KRT71: variants seen among roughly 807,000 people sequenced by gnomAD.
KRT71 encodes the protein keratin, type II cytoskeletal 71.
A neutral mutation model predicts 46.2 loss-of-function variants in KRT71; 42 were observed. That is an observed-to-expected ratio of 0.91 (90% confidence interval 0.71 to 1.18). The LOEUF is 1.18. Among genes scored for constraint, KRT71 ranks in the 50% most tolerant of loss-of-function variants. The pLI is 0.00. For synonymous variants in KRT71, 292 were observed against 277.8 expected, an observed-to-expected ratio of 1.05 and a Z score of -0.51; for missense variants, 708 against 677.9, an observed-to-expected ratio of 1.04 and a Z score of -0.49.
intron 8 of KRT71, 123 bp from the exon 9 acceptor site, chr12:52,544,866 C>G: frequency 1.3e-6 from 1 of 765,324 alleles, no homozygotes. Context: ...CGCTCCCTCT[C>G]CCTGGGGAGA....
Position 52,544,738 on chromosome 12 carries a change from T to C in KRT71, c.1366A>G (p.Ile456Val). 6.2e-7 allele frequency: 1 copy of C among 1,611,024 alleles called. No individual in the cohort carries two copies. Among genetic ancestry groups the C allele is most frequent in the Non-Finnish European group, 8.5e-7 (1 of 1,179,318 alleles). The change falls in exon 9 of 9, where the codon ATC becomes GTC. Residue 456 changes from isoleucine to valine, a missense_variant. Transcript: ENST00000267119. ...EFPSPVSISIISSTSGGSVYG... is the reference protein window; with the variant it reads ...EFPSPVSISIVSSTSGGSVYG... ...ACACTGCCGCCACTGGTGCTGCTGATGATGGCTGCAGGAGGAGCCGAAGCC... is the reference window on the plus strand; with the variant it reads ...ACACTGCCGCCACTGGTGCTGCTGACGATGGCTGCAGGAGGAGCCGAAGCC...
chr12:52,548,706 CAA>C lies in KRT71; in HGVS notation c.806_807del (p.Phe269Ter), dbSNP rs769275470. 6.2e-7 allele frequency: 1 copy of C among 1,613,984 alleles called. No individual in the cohort carries two copies. Among genetic ancestry groups the C allele is most frequent in the Non-Finnish European group, 8.5e-7 (1 of 1,179,944 alleles). On this transcript the variant is annotated frameshift_variant, in exon 4 of 9. Coordinates refer to ENST00000267119, the MANE Select transcript of KRT71 (RefSeq NM_033448.3). LOFTEE classifies it high-confidence loss of function. The part of the protein sequence containing the change: ...DQEIKFFRCL[F>X]EAEITQIQSH... ...AAGTGGGCAGACAGACTTACGGCTT[CAA>C]AGAGACACCTGAAGAACTTGATCTC...
At position 52,550,253 on chromosome 12, in the gene KRT71, A is replaced by G. The variant is rs1428897916; in HGVS notation, c.442-10T>C. On this transcript the variant is annotated splice_polypyrimidine_tract_variant and intron_variant, in intron 1 of 8. Coordinates refer to ENST00000267119, the MANE Select transcript of KRT71 (RefSeq NM_033448.3). ...GCTCCAGGAACCGCACCTGGAACCC[A>G]GATCCCAGAAACTGCTGAACCCTTG... 6.2e-7 allele frequency: 1 copy of G among 1,613,908 alleles called. No homozygotes were observed. The highest frequency in any genetic ancestry group is 1.7e-5 in the Admixed American group (1 of 60,018).
chr12:52,549,336 T>C lies in KRT71; in HGVS notation c.674A>G (p.Asn225Ser). Reference protein sequence around the residue: ...DYKKRYEEEINKRTAAENEFV... With the variant: ...DYKKRYEEEISKRTAAENEFV... ...CTCGTTCTCTGCTGCTGTCCGCTTG[T>C]TGATTTCCTCCTCATACCTGTGGGA... Residue 225 changes from asparagine to serine, a missense_variant, in exon 3 of 9, where the codon AAC becomes AGC. Physicochemically the swap from Asn to Ser is conservative, Grantham distance 46. Coordinates refer to ENST00000267119, the MANE Select transcript of KRT71 (RefSeq NM_033448.3). The C allele has an allele frequency of 6.2e-7, 1 of 1,613,896 alleles. No individual in the cohort carries two copies. The highest frequency in any genetic ancestry group is 1.3e-5 in the African/African-American group (1 of 75,036).
rs10876309 is a variant in KRT71 at position 52,548,517 on chromosome 12, C to T, written c.813+184G>A. 0.38 allele frequency among the ~76,000 whole-genome samples: 58,426 copies of T among 152,098 alleles called. 13,958 individuals carry two copies. The highest frequency in any genetic ancestry group is 0.54 in the Middle Eastern group (158 of 294). Reference sequence around the variant, plus strand: ...ATTCCCACTGCCGTGGAGCAAGGGCCTGGCCGATTCCCTTCCCACTCAGAG... The same window carrying T: ...ATTCCCACTGCCGTGGAGCAAGGGCTTGGCCGATTCCCTTCCCACTCAGAG... On this transcript the variant is annotated intron_variant, in intron 4 of 8. Coordinates refer to ENST00000267119, the MANE Select transcript of KRT71 (RefSeq NM_033448.3).
At chr12:52,549,261 C>T (rs2120574940) in intron 3 of KRT71, 32 bp downstream of exon 3, 1 of 1,561,478 alleles carries the variant, frequency 6.4e-7, no homozygotes, top group Admixed American at 1.7e-5. Context: ...CCCAGGCCAG[C>T]CCCCGGGACT....
intron 4 of KRT71, 48 bp downstream of exon 4, chr12:52,548,653 T>C (rs759970220): frequency 6.5e-7 from 1 of 1,542,894 alleles, no homozygotes; most frequent in East Asian, 2.2e-5. Context: ...GAATAGAGTT[T>C]AACCCACCAG....
intron 2 of KRT71, among the ~76,000 whole-genome samples, chr12:52,549,757 G>A (rs1322504108): frequency 2.6e-5 from 4 of 152,180 alleles, no homozygotes; most frequent in Non-Finnish European, 2.9e-5. Flanking sequence ...GGAGGAGAAC[G>A]TGAGTGGTTT....
intron 6 of KRT71, among the ~76,000 whole-genome samples, 157 bp downstream of exon 6, chr12:52,547,700 A>G (rs1939079303): frequency 6.6e-6 from 1 of 152,144 alleles, no homozygotes; most frequent in Non-Finnish European, 1.5e-5. Flanking sequence ...AGTAGCCCCC[A>G]GGGACGTCCT....
intron 8 of KRT71, among the ~76,000 whole-genome samples, 176 bp downstream of exon 8, chr12:52,545,389 C>G (rs1939041052): frequency 1.3e-5 from 2 of 152,330 alleles, no homozygotes; most frequent in South Asian, 4.1e-4. Context: ...GGAGGCCTGG[C>G]CTGGGAGTCA....
intron 1 of KRT71, among the ~76,000 whole-genome samples, chr12:52,551,184 A>C (rs575909396): frequency 6.6e-6 from 1 of 152,204 alleles, no homozygotes; most frequent in Non-Finnish European, 1.5e-5. Flanking sequence ...TACTGAACAC[A>C]TCTGGATGCC....
rs1327887871 is a variant in KRT71 at position 52,544,283 on chromosome 12, G to A, written c.*249C>T. The A allele has an allele frequency of 3.5e-6, 2 of 566,892 alleles. No individual in the cohort carries two copies. 35.1% of individuals were successfully genotyped at this position (566,892 alleles called of 1,614,324 possible). On this transcript the variant is annotated 3_prime_UTR_variant, in exon 9 of 9. Coordinates refer to ENST00000267119, the MANE Select transcript of KRT71 (RefSeq NM_033448.3). ...GGCAGCCAGGACCTGGGCTGGTGGT[G>A]TAGCTGGGGGACCACAGCCAAGGAG... is the stretch of plus-strand genomic sequence containing the variant.
At chr12:52,550,995 G>A (rs750237607) in intron 1 of KRT71, among the ~76,000 whole-genome samples, 1 of 152,294 alleles carries the variant, frequency 6.6e-6, no homozygotes, top group East Asian at 1.9e-4. Flanking sequence ...CACAAGACAT[G>A]GGAAAACTAT....
chr12:52,549,428 G>A, intron 2 of KRT71, 75 bp from the exon 3 acceptor site: 1 of 1,212,056 alleles, frequency 8.3e-7, no homozygotes, highest in Non-Finnish European at 1.2e-6. Flanking sequence ...CGTTGAGCAA[G>A]GAGCAGCGTG....
chr12:52,553,109 A>G lies in KRT71; in HGVS notation c.-32T>C. 1 of 1,537,506 alleles carries G rather than the reference A, an allele frequency of 6.5e-7. No homozygotes were observed. Among genetic ancestry groups the G allele is most frequent in the South Asian group, 1.3e-5 (1 of 77,862 alleles). ...GGTGGAGACAAAGCTCAGATGCAGG[A>G]GGGAGGAAGGCAAAATCCCAAAAGG... On this transcript the variant is annotated 5_prime_UTR_variant, in exon 1 of 9. Coordinates refer to ENST00000267119, the MANE Select transcript of KRT71 (RefSeq NM_033448.3).
Position 52,552,881 on chromosome 12 carries a change from C to T in KRT71, c.197G>A (p.Ser66Asn). Residue 66 changes from serine (S) to asparagine (N), a missense_variant, in exon 1 of 9, where the codon AGT (serine) becomes AAT (asparagine). Transcript: ENST00000267119. ...SLNVASGSGK[S>N]GGYGFGRGRA... Reference sequence around the variant, plus strand: ...GCCCCGGCCAAATCCATAGCCTCCACTCTTCCCGCTGCCACTGGCCACATT... The same window carrying T: ...GCCCCGGCCAAATCCATAGCCTCCATTCTTCCCGCTGCCACTGGCCACATT... The T allele has an allele frequency of 6.2e-7, 1 of 1,614,212 alleles. No individual in the cohort carries two copies. Among genetic ancestry groups the T allele is most frequent in the Non-Finnish European group, 8.5e-7 (1 of 1,180,046 alleles).
Position 52,544,459 on chromosome 12 carries a change from G to A in KRT71, c.*73C>T. ...CAGCAGGGTGGAGATGGAGCTGAGA[G>A]TGGGCTGTGGGAAGTACAGTGTGGG... is the stretch of plus-strand genomic sequence containing the variant. On this transcript the variant is annotated 3_prime_UTR_variant, in exon 9 of 9. Transcript: ENST00000267119. The A allele has an allele frequency of 7.4e-7, 1 of 1,345,226 alleles. No individual in the cohort carries two copies. The highest frequency in any genetic ancestry group is 1.1e-6 in the Non-Finnish European group (1 of 939,668). The allele number at this position is 1,345,226 out of a possible 1,614,324, so 83.3% of individuals were successfully genotyped here.
chr12:52,548,395 T>G (rs1939097096), intron 4 of KRT71, 79 bp from the exon 5 acceptor site: 3 of 1,481,600 alleles, frequency 2.0e-6, no homozygotes, highest in South Asian at 1.3e-5. Context: ...GATGAGCAAA[T>G]TCTGGTGATG....
intron 6 of KRT71, 139 bp downstream of exon 6, chr12:52,547,718 G>T (rs372108386): frequency 1.9e-6 from 2 of 1,027,208 alleles, no homozygotes; most frequent in Non-Finnish European, 2.9e-6. Context: ...CCTGCTCCAG[G>T]TGTTTGAGGC....
Sources: gnomAD v4.1 joint callset for allele counts (sites outside exome capture counted in the v4.1 genomes callset) on GRCh38, gnomAD v4.1.1 for gene constraint, MANE v1.5 for transcripts, NCBI Gene and HGNC (gene_info 2026-07-23, HGNC 2026-07-21) for gene names.